The following STK24 variants were observed in gnomAD, a reference collection of about 807,000 sequenced individuals.
The protein encoded by STK24 is serine/threonine-protein kinase 24.
Under a neutral mutation model 55.6 loss-of-function variants are expected in STK24, and 21 were observed. That is an observed-to-expected ratio of 0.38 (90% confidence interval 0.27 to 0.54). The LOEUF (loss-of-function observed/expected upper bound fraction) is 0.54. Among genes scored for constraint, STK24 ranks in the 20% least tolerant of loss-of-function variants. The pLI is 0.79. For synonymous variants in STK24, 200 were observed against 215.2 expected (o/e 0.93, Z 0.62); for missense variants, 383 against 538.4 (o/e 0.71, Z 2.86).
intron 1 of STK24, among the ~76,000 whole-genome samples, chr13:98,529,295 C>T (rs765920606): frequency 3.9e-5 from 6 of 152,172 alleles, no homozygotes; most frequent in Non-Finnish European, 4.4e-5. Flanking sequence ...ATGGTTCTTC[C>T]GAAGCGTCTC....
chr13:98,498,807 C>G (rs990480282), intron 2 of STK24, among the ~76,000 whole-genome samples: 2 of 152,198 alleles, frequency 1.3e-5, no homozygotes, highest in African/African-American at 4.8e-5. Flanking sequence ...ACAGCAGGAG[C>G]CAGTGGGACA....
chr13:98,523,637 G>C lies in STK24; in HGVS notation c.43-4164C>G, dbSNP rs147490229. Among the ~76,000 whole-genome samples, 8 of 152,154 alleles carry C rather than the reference G, an allele frequency of 5.3e-5. No individual in the cohort carries two copies. In the East Asian group the frequency reaches 1.5e-3, roughly 29 times the overall value. ...GACAATGACATCCGCCCACTTCCTC[G>C]ACGCCAGCTGAGCTCCCAGGATGTG... is the stretch of plus-strand genomic sequence containing the variant. On this transcript the variant is annotated intron_variant, in intron 1 of 10. Coordinates refer to ENST00000539966, the MANE Select transcript of STK24 (RefSeq NM_001032296.4).
rs371298755 is a variant in STK24 at position 98,453,203 on chromosome 13, A to G, written c.1266T>C (p.Ser422=). 10 of 1,613,504 alleles carry G rather than the reference A, an allele frequency of 6.2e-6. No individual in the cohort carries two copies. In the East Asian group the frequency reaches 2.2e-4, roughly 36 times the overall value. ...AQLVQRLQRY[S]LSGGGTSSH ...GGGATGAAGTTCCTCCACCACTTAG[A>G]GAGTATCTAGGGAAAAAGAGAGAGA... Residue 422 remains serine (S), a synonymous_variant, in exon 11 of 11, where the codon TCT becomes TCC. Transcript: ENST00000539966.
chr13:98,489,630 G>A (rs964512803), intron 2 of STK24, among the ~76,000 whole-genome samples: 1 of 152,192 alleles, frequency 6.6e-6, no homozygotes, highest in Admixed American at 6.5e-5. Flanking sequence ...ACGAAGGTCC[G>A]TCTAACCTCC....
At chr13:98,543,819 A>C (rs1462420676) in intron 1 of STK24, among the ~76,000 whole-genome samples, 1 of 152,208 alleles carries the variant, frequency 6.6e-6, no homozygotes, top group Non-Finnish European at 1.5e-5. Context: ...CACCGCCAGA[A>C]GCTGCCATCC....
intron 1 of STK24, among the ~76,000 whole-genome samples, chr13:98,551,329 C>A (rs1897155751): frequency 6.6e-6 from 1 of 151,844 alleles, no homozygotes; most frequent in Non-Finnish European, 1.5e-5. Context: ...TCCCATTTCT[C>A]CTTGTTTTCT....
At chr13:98,508,370 C>T (rs1009545802) in intron 2 of STK24, among the ~76,000 whole-genome samples, 1 of 152,106 alleles carries the variant, frequency 6.6e-6, no homozygotes, top group African/African-American at 2.4e-5. Flanking sequence ...AAAACCAACA[C>T]TAAGAGACAA....
At chr13:98,464,709 CTG>C (rs1016536170) in intron 6 of STK24, among the ~76,000 whole-genome samples, 3 of 151,842 alleles carry the variant, frequency 2.0e-5, no homozygotes, top group African/African-American at 7.3e-5. Flanking sequence ...GTTAGCCAGG[CTG>C]GTCTTGAACT....
chr13:98,545,597 G>A (rs1161537646), intron 1 of STK24, among the ~76,000 whole-genome samples: 1 of 144,620 alleles, frequency 6.9e-6, no homozygotes, highest in East Asian at 2.0e-4. Context: ...TTACGCCACT[G>A]CACTCCAGCC....
intron 1 of STK24, among the ~76,000 whole-genome samples, chr13:98,546,531 C>T (rs1897032726): frequency 6.6e-6 from 1 of 152,190 alleles, no homozygotes; most frequent in Non-Finnish European, 1.5e-5. Flanking sequence ...GTCCCCTGGC[C>T]ACAAGTGGCC....
At chr13:98,542,548 A>G (rs762338538) in intron 1 of STK24, among the ~76,000 whole-genome samples, 31 of 152,344 alleles carry the variant, frequency 2.0e-4, no homozygotes, top group Non-Finnish European at 4.4e-4. Flanking sequence ...TGTGTTTTTC[A>G]GGAAACCAGC....
chr13:98,448,404 AC>A lies in STK24; in HGVS notation c.*4768del. On this transcript the variant is annotated 3_prime_UTR_variant, in exon 11 of 11. Coordinates refer to ENST00000539966, the MANE Select transcript of STK24 (RefSeq NM_001032296.4). Reference sequence around the variant, plus strand: ...ATTAATGAAGCCTGGTAAAATTAACACCTGTCTGAAAATCAAAAACATGGCT... The same window carrying A: ...ATTAATGAAGCCTGGTAAAATTAACACTGTCTGAAAATCAAAAACATGGCT... The A allele has an allele frequency of 9.2e-7, 1 of 1,089,062 alleles. No individual in the cohort carries two copies. 67.5% of individuals were successfully genotyped at this position (1,089,062 alleles called of 1,614,324 possible).
intron 1 of STK24, 148 bp from the exon 2 acceptor site, chr13:98,519,621 C>T (rs1051156386): frequency 4.5e-6 from 3 of 669,558 alleles, no homozygotes; most frequent in Non-Finnish European, 7.7e-6. Flanking sequence ...GTGGTGACCA[C>T]AGCTCTGCAG....
At chr13:98,481,354 C>A (rs1333765192) in intron 3 of STK24, among the ~76,000 whole-genome samples, 1 of 152,218 alleles carries the variant, frequency 6.6e-6, no homozygotes, top group Admixed American at 6.5e-5. Context: ...CACTACCTTA[C>A]ATGTGGACTG....
At chr13:98,472,841 T>C (rs545044731) in intron 5 of STK24, among the ~76,000 whole-genome samples, 1 of 152,328 alleles carries the variant, frequency 6.6e-6, no homozygotes, top group African/African-American at 2.4e-5. Flanking sequence ...TGGAGTTTTC[T>C]TTCAAAACAC....
intron 2 of STK24, among the ~76,000 whole-genome samples, chr13:98,491,859 T>A (rs891396357): frequency 2.0e-5 from 3 of 151,948 alleles, no homozygotes; most frequent in African/African-American, 7.3e-5. Flanking sequence ...AAAAAATAGA[T>A]CACATATCCA....
intron 3 of STK24, among the ~76,000 whole-genome samples, chr13:98,476,428 T>C (rs1894380669): frequency 6.6e-6 from 1 of 152,168 alleles, no homozygotes; most frequent in African/African-American, 2.4e-5. Context: ...GACTTGACAG[T>C]GAATGTCTTC....
At chr13:98,544,673 G>A (rs778031677) in intron 1 of STK24, among the ~76,000 whole-genome samples, 5 of 152,188 alleles carry the variant, frequency 3.3e-5, no homozygotes, top group African/African-American at 9.7e-5. Flanking sequence ...ATGCGGAGAC[G>A]CCTCTACAAG....
chr13:98,535,581 G>A (rs1896707622), intron 1 of STK24, among the ~76,000 whole-genome samples: 1 of 152,094 alleles, frequency 6.6e-6, no homozygotes, highest in Non-Finnish European at 1.5e-5. Flanking sequence ...TCCCACTGCT[G>A]AAGCTCCTCC....
Sources: gnomAD v4.1 joint callset for allele counts (sites outside exome capture counted in the v4.1 genomes callset) on GRCh38, gnomAD v4.1.1 for gene constraint, MANE v1.5 for transcripts, NCBI Gene and HGNC (gene_info 2026-07-23, HGNC 2026-07-21) for gene names.